MTMR7: variants seen among roughly 807,000 people sequenced by gnomAD.
MTMR7 encodes phosphatidylinositol-3-phosphate phosphatase MTMR7.
A neutral mutation model predicts 81.2 loss-of-function variants in MTMR7; 76 were observed. The observed-to-expected ratio is 0.94, with a 90% confidence interval of 0.78 to 1.13. The LOEUF (loss-of-function observed/expected upper bound fraction) is 1.13, where lower values mean the gene tolerates loss of function less well. MTMR7 is among the 50% of genes most tolerant of loss of function. The probability of loss-of-function intolerance (pLI) is 0.00; values close to 1 mark genes in which losing one functional copy is unlikely to be tolerated. For missense variants in MTMR7, 1,044 were observed against 820.0 expected (o/e 1.27, Z -3.34); for synonymous variants, 372 against 289.8 (o/e 1.28, Z -2.88).
chr8:17,394,703 T>G (rs746479631), intron 1 of MTMR7, among the ~76,000 whole-genome samples: 2 of 152,192 alleles, frequency 1.3e-5, no homozygotes, highest in Non-Finnish European at 2.9e-5. Context: ...AATATGTTAG[T>G]TTTTTAATTA....
intron 7 of MTMR7, among the ~76,000 whole-genome samples, chr8:17,328,974 A>G (rs1373174859): frequency 3.9e-5 from 6 of 152,224 alleles, no homozygotes; most frequent in Non-Finnish European, 8.8e-5. Context: ...TTGGTCCTAG[A>G]TTTCAGTTTC....
chr8:17,302,022 T>C lies in MTMR7; in HGVS notation c.1620+132A>G. 3 of 1,173,936 alleles carry C rather than the reference T, an allele frequency of 2.6e-6. No homozygotes were observed. In the South Asian group the frequency reaches 4.3e-5, roughly 17 times the overall value. The allele number at this position is 1,173,936 out of a possible 1,614,324, so 72.7% of individuals were successfully genotyped here. A position where few individuals can be genotyped will look rare whatever the true frequency, so the allele number is the denominator to read the frequency against. On this transcript the variant is annotated intron_variant, in intron 13 of 13. Coordinates refer to ENST00000180173, the MANE Select transcript of MTMR7 (RefSeq NM_004686.5). ...ATCTGAGTCCTGACCTGGATGGGGTTGTGTTTCAGGTGTTCTACTGACTAA... is the reference window on the plus strand; with the variant it reads ...ATCTGAGTCCTGACCTGGATGGGGTCGTGTTTCAGGTGTTCTACTGACTAA...
chr8:17,393,861 T>G (rs1159282575), intron 1 of MTMR7, among the ~76,000 whole-genome samples: 1 of 152,068 alleles, frequency 6.6e-6, no homozygotes, highest in African/African-American at 2.4e-5. Context: ...AACACAAACG[T>G]TGAAGATAAT....
intron 5 of MTMR7, among the ~76,000 whole-genome samples, chr8:17,342,052 C>T (rs898489916): frequency 1.3e-5 from 2 of 152,088 alleles, no homozygotes; most frequent in East Asian, 1.9e-4. Context: ...ACAGCAGGCA[C>T]ATACCTGTGC....
rs746652358 is a variant in MTMR7, at chr8:17,309,262, T to TAAG, written c.1151+14_1151+15insCTT. ...TTTATTCTAAACATTCAAAACAGTC[T>TAAG]TAAATATTACTTACCGGTGATTAAA... On this transcript the variant is annotated intron_variant, in intron 10 of 13. Transcript: ENST00000180173. The TAAG allele has an allele frequency of 1.2e-5, 18 of 1,483,900 alleles. No individual in the cohort carries two copies. The highest frequency in any genetic ancestry group is 1.7e-5 in the Non-Finnish European group (18 of 1,064,692). 91.9% of individuals were successfully genotyped at this position (1,483,900 alleles called of 1,614,324 possible). A position where few individuals can be genotyped will look rare whatever the true frequency, so the allele number is the denominator to read the frequency against.
In MTMR7 at chr8:17,311,643, AAC is replaced by A. The variant is rs776345586; in HGVS notation, c.976-9_976-8del. 1.3e-5 allele frequency: 21 copies of A among 1,613,964 alleles called. No individual in the cohort carries two copies. The highest frequency in any genetic ancestry group is 5.0e-5 in the Admixed American group (3 of 60,004). On this transcript the variant is annotated splice_region_variant and splice_polypyrimidine_tract_variant and intron_variant, in intron 8 of 13. Coordinates refer to ENST00000180173, the MANE Select transcript of MTMR7 (RefSeq NM_004686.5). ...CCCCTTCCTCTGACACTGCCTAGAA[AAC>A]ACACGATCCGCAAAGAGTCACAAAG...
In MTMR7 at chr8:17,331,295, G is replaced by A; in HGVS notation, c.733-13C>T. The A allele has an allele frequency of 1.3e-6, 2 of 1,576,812 alleles. No homozygotes were observed. Among genetic ancestry groups the A allele is most frequent in the Non-Finnish European group, 8.6e-7 (1 of 1,165,370 alleles). ...CCATTGCATTAAGCTGCAGTGGTCA[G>A]CAAAACAGAACAGTCATCAATTACA... On this transcript the variant is annotated splice_polypyrimidine_tract_variant and intron_variant, in intron 6 of 13. Transcript: ENST00000180173.
intron 13 of MTMR7, 91 bp downstream of exon 13, chr8:17,302,063 G>C: frequency 6.6e-7 from 1 of 1,519,640 alleles, no homozygotes; most frequent in Non-Finnish European, 9.1e-7. Context: ...TGAAATATTT[G>C]TATTGCACTG....
chr8:17,401,952 A>G (rs1478640045), intron 1 of MTMR7, among the ~76,000 whole-genome samples: 1 of 152,356 alleles, frequency 6.6e-6, no homozygotes, highest in Non-Finnish European at 1.5e-5. Context: ...CTATGGAATG[A>G]CAATACAAAA....
At chr8:17,354,900 T>C (rs1197560567) in intron 4 of MTMR7, among the ~76,000 whole-genome samples, 1 of 152,148 alleles carries the variant, frequency 6.6e-6, no homozygotes. Context: ...ATTTGCAAAA[T>C]CAGAAAATCC....
chr8:17,361,018 A>G, intron 4 of MTMR7, 99 bp downstream of exon 4: 1 of 1,320,386 alleles, frequency 7.6e-7, no homozygotes, highest in South Asian at 1.3e-5. Context: ...GATATCTACA[A>G]AGAGCTATAA....
chr8:17,371,293 A>G, intron 2 of MTMR7, 94 bp from the exon 3 acceptor site: 1 of 1,404,622 alleles, frequency 7.1e-7, no homozygotes. Flanking sequence ...GAAAGACAAG[A>G]AACGCTCCCC....
At chr8:17,411,778 T>G (rs1418545727) in intron 1 of MTMR7, among the ~76,000 whole-genome samples, 2 of 152,238 alleles carry the variant, frequency 1.3e-5, no homozygotes, top group East Asian at 1.9e-4. Context: ...ACCAGGTGGC[T>G]TTGTATATAG....
At chr8:17,345,748 G>C (rs954659214) in intron 5 of MTMR7, among the ~76,000 whole-genome samples, 1 of 152,190 alleles carries the variant, frequency 6.6e-6, no homozygotes. Context: ...CAGAACTTCA[G>C]GTTCATAAAA....
At chr8:17,408,741 G>A (rs1489496411) in intron 1 of MTMR7, among the ~76,000 whole-genome samples, 1 of 152,132 alleles carries the variant, frequency 6.6e-6, no homozygotes, top group Non-Finnish European at 1.5e-5. Flanking sequence ...TAAATTCAAT[G>A]AGATAATATT....
intron 12 of MTMR7, among the ~76,000 whole-genome samples, chr8:17,302,579 G>A (rs1288437781): frequency 6.6e-6 from 1 of 151,510 alleles, no homozygotes; most frequent in Non-Finnish European, 1.5e-5. Flanking sequence ...TTAAGAAAAT[G>A]GCTCTTAGTT....
chr8:17,355,317 G>A (rs570030455), intron 4 of MTMR7, among the ~76,000 whole-genome samples: 1 of 152,116 alleles, frequency 6.6e-6, no homozygotes, highest in Non-Finnish European at 1.5e-5. Flanking sequence ...ACATGAGTCA[G>A]ATACTTTATA....
chr8:17,401,467 G>T (rs1178418945), intron 1 of MTMR7, among the ~76,000 whole-genome samples: 2 of 152,030 alleles, frequency 1.3e-5, no homozygotes, highest in Non-Finnish European at 2.9e-5. Flanking sequence ...ATAAGGTATA[G>T]AATTTCCCTC....
intron 1 of MTMR7, among the ~76,000 whole-genome samples, chr8:17,382,096 T>C (rs932019128): frequency 1.3e-5 from 2 of 152,210 alleles, no homozygotes; most frequent in Non-Finnish European, 2.9e-5. Context: ...TATTAAATTT[T>C]CTGGAAATTA....
Sources: gnomAD v4.1 joint callset for allele counts (sites outside exome capture counted in the v4.1 genomes callset) on GRCh38, gnomAD v4.1.1 for gene constraint, MANE v1.5 for transcripts, NCBI Gene and HGNC (gene_info 2026-07-23, HGNC 2026-07-21) for gene names.